USP20: variants seen among roughly 807,000 people sequenced by gnomAD.
The protein encoded by USP20 is ubiquitin specific peptidase 20.
A neutral mutation model predicts 124.2 loss-of-function variants in USP20; 80 were observed. The ratio of observed to expected loss-of-function variants is 0.64; its 90% CI spans 0.54 to 0.78. The LOEUF (loss-of-function observed/expected upper bound fraction) is 0.78. Ranked by LOEUF, USP20 falls within the 30% of genes least tolerant of loss-of-function variation. USP20 has a pLI of 0.00. For missense variants in USP20, 1,043 were observed against 1,244.4 expected (o/e 0.84, Z 2.44); for synonymous variants, 481 against 512.3 (o/e 0.94, Z 0.83).
chr9:129,858,327 G>A (rs2033327000), intron 5 of USP20, 140 bp from the exon 6 acceptor site: 5 of 1,306,828 alleles, frequency 3.8e-6, no homozygotes, highest in Non-Finnish European at 5.4e-6. Context: ...GACTGGGGGT[G>A]GGTAAGCAAA....
At chr9:129,845,587 G>A (rs1275093325) in intron 1 of USP20, among the ~76,000 whole-genome samples, 1 of 152,106 alleles carries the variant, frequency 6.6e-6, no homozygotes, top group African/African-American at 2.4e-5. Context: ...AGGCTGTAGT[G>A]CAGTGGCACA....
At position 129,878,458 on chromosome 9, in the gene USP20, C is replaced by T. The variant is rs759199511; in HGVS notation, c.2512+18C>T. 3 of 1,579,454 alleles carry T rather than the reference C, an allele frequency of 1.9e-6. No homozygotes were observed. Among genetic ancestry groups the T allele is most frequent in the Admixed American group, 1.8e-5 (1 of 56,682 alleles). On this transcript the variant is annotated intron_variant, in intron 23 of 25. Transcript: ENST00000372429. ...GGACAACGGTGAGCTGAGGGGGGACCTGGCACTTACCTGCCCTGGGGGCCT... is the reference window on the plus strand; with the variant it reads ...GGACAACGGTGAGCTGAGGGGGGACTTGGCACTTACCTGCCCTGGGGGCCT...
At chr9:129,859,823 C>T (rs1209161404) in intron 6 of USP20, among the ~76,000 whole-genome samples, 7 of 152,092 alleles carry the variant, frequency 4.6e-5, no homozygotes, top group Non-Finnish European at 8.8e-5. Context: ...TCGCTTGAGC[C>T]CAGGAGTTTG....
intron 16 of USP20, 43 bp downstream of exon 16, chr9:129,873,558 G>A (rs777886145): frequency 1.2e-6 from 2 of 1,614,018 alleles, no homozygotes; most frequent in East Asian, 2.2e-5. Context: ...TGCCGTTTCT[G>A]TGCCCTACAT....
chr9:129,845,056 C>T (rs959395552), intron 1 of USP20, among the ~76,000 whole-genome samples: 1 of 152,092 alleles, frequency 6.6e-6, no homozygotes, highest in Non-Finnish European at 1.5e-5. Flanking sequence ...ATAACCTGGT[C>T]TCTAAATAAA....
At chr9:129,868,797 T>G in intron 11 of USP20, 65 bp from the exon 12 acceptor site, 1 of 1,503,054 alleles carries the variant, frequency 6.7e-7, no homozygotes, top group Non-Finnish European at 8.9e-7. Flanking sequence ...GCAGGTCATC[T>G]TCCTGCCCAC....
intron 1 of USP20, among the ~76,000 whole-genome samples, chr9:129,843,729 ACTCCATCT>A (rs1211874169): frequency 6.7e-6 from 1 of 149,520 alleles, no homozygotes; most frequent in Non-Finnish European, 1.5e-5. Context: ...AAGAGTGAAA[ACTCCATCT>A]CAAAAAAACA....
rs764238706 is a variant in USP20 at position 129,863,313 on chromosome 9, T to C, written c.611+14T>C. 6.5e-7 allele frequency: 1 copy of C among 1,536,682 alleles called. No homozygotes were observed. Among genetic ancestry groups the C allele is most frequent in the Admixed American group, 2.0e-5 (1 of 50,874 alleles). On this transcript the variant is annotated intron_variant, in intron 9 of 25. Transcript: ENST00000372429. ...GCATAAGAAACGGTGAGCAGCTGCATCCCTAGCCTTGGGCGGTGTGTGGGG... is the reference window on the plus strand; with the variant it reads ...GCATAAGAAACGGTGAGCAGCTGCACCCCTAGCCTTGGGCGGTGTGTGGGG...
rs779805930 is a variant in USP20 at position 129,873,461 on chromosome 9, C to A, written c.1661-21C>A. Reference sequence around the variant, plus strand: ...ATTTTGCATCCTTGCTAACCTCTGACCCTTTGTTTTACTGCCCTAGGTGAC... The same window carrying A: ...ATTTTGCATCCTTGCTAACCTCTGAACCTTTGTTTTACTGCCCTAGGTGAC... On this transcript the variant is annotated intron_variant, in intron 15 of 25. Transcript: ENST00000372429. The A allele has an allele frequency of 2.4e-5, 39 of 1,613,988 alleles. No homozygotes were observed. In the South Asian group the frequency reaches 4.0e-4, roughly 16 times the overall value.
intron 17 of USP20, among the ~76,000 whole-genome samples, chr9:129,874,123 C>T (rs1011007360): frequency 6.6e-6 from 1 of 152,036 alleles, no homozygotes; most frequent in Non-Finnish European, 1.5e-5. Flanking sequence ...TGAGGAGTAA[C>T]GTCTGAGTGG....
At position 129,868,961 on chromosome 9, in the gene USP20, C is replaced by T. The variant is rs2033972923; in HGVS notation, c.1235C>T (p.Ala412Val). The change falls in exon 12 of 26, where the codon GCA becomes GTA. Residue 412 changes from alanine to valine, a missense_variant. By Grantham distance (64) the Ala-to-Val change is moderately conservative (BLOSUM62 0). Transcript: ENST00000372429. ...AAGCTGTCTAGCAGCCCCCCTCGTG[C>T]AAGCCCCGTGAGGATGGCACCGTCG... ...HAKLSSSPPR[A>V]SPVRMAPSYV... The T allele has an allele frequency of 2.5e-6, 4 of 1,612,588 alleles. No individual in the cohort carries two copies. In the Admixed American group the frequency reaches 5.0e-5, roughly 20 times the overall value.
rs1588277735 is a variant in USP20 at position 129,868,856 on chromosome 9, C to T, written c.1136-6C>T. On this transcript the variant is annotated splice_region_variant and splice_polypyrimidine_tract_variant and intron_variant, in intron 11 of 25. Coordinates refer to ENST00000372429, the MANE Select transcript of USP20 (RefSeq NM_001110303.4). Reference sequence around the variant, plus strand: ...TGGCCCAGCATGGTACCCTCTCTGCCCCCAGAGCCGGACAATGATGCTCAC... The same window carrying T: ...TGGCCCAGCATGGTACCCTCTCTGCTCCCAGAGCCGGACAATGATGCTCAC... 1.9e-6 allele frequency: 3 copies of T among 1,552,044 alleles called. No individual in the cohort carries two copies. The highest frequency in any genetic ancestry group is 3.7e-4 in the Middle Eastern group (2 of 5,406).
rs1471787501 is a variant in USP20, at chr9:129,879,900, C to T, written c.2585-213C>T. Among the ~76,000 whole-genome samples, 3 of 152,136 alleles carry T rather than the reference C, an allele frequency of 2.0e-5. No individual in the cohort carries two copies. In the South Asian group the frequency reaches 6.2e-4, roughly 32 times the overall value. ...TTTATGTCAGCCCCACCCCCAGGAA[C>T]AAGGGACACAGCCAGAGATGTGTTA... On this transcript the variant is annotated intron_variant, in intron 24 of 25. Transcript: ENST00000372429. The surrounding 1 kb of genome is among the most constrained non-coding windows in gnomAD (Gnocchi z 4.2).
intron 1 of USP20, among the ~76,000 whole-genome samples, chr9:129,846,476 T>C (rs2032578839): frequency 6.6e-6 from 1 of 151,244 alleles, no homozygotes; most frequent in Non-Finnish European, 1.5e-5. Context: ...CAGGCTGATC[T>C]CAAACTCCTG....
At chr9:129,872,584 C>G (rs553344673) in intron 15 of USP20, among the ~76,000 whole-genome samples, 1 of 152,316 alleles carries the variant, frequency 6.6e-6, no homozygotes, top group African/African-American at 2.4e-5. Context: ...TGTTGTGTTT[C>G]AGAGATCATC....
intron 17 of USP20, 57 bp downstream of exon 17, chr9:129,873,801 C>T: frequency 6.3e-7 from 1 of 1,591,400 alleles, no homozygotes; most frequent in South Asian, 1.1e-5. Context: ...CACACCAGCA[C>T]ACACCAGGCA....
At chr9:129,869,581 GAGT>G in intron 13 of USP20, 88 bp from the exon 14 acceptor site, 2 of 1,569,454 alleles carry the variant, frequency 1.3e-6, no homozygotes, top group Non-Finnish European at 1.7e-6. Flanking sequence ...ATGGCCTGGG[GAGT>G]AGTCCCTCTG....
intron 22 of USP20, among the ~76,000 whole-genome samples, chr9:129,876,986 C>A (rs2034437075): frequency 6.6e-6 from 1 of 152,072 alleles, no homozygotes; most frequent in Non-Finnish European, 1.5e-5. Flanking sequence ...TGGGTGAGAA[C>A]CACTGGGCTC....
At position 129,878,158 on chromosome 9, in the gene USP20, G is replaced by A. The variant is rs375960319; in HGVS notation, c.2410-180G>A. 3.5e-4 allele frequency among the ~76,000 whole-genome samples: 54 copies of A among 152,344 alleles called. 1 individual carries two copies. In the South Asian group the frequency reaches 0.01, roughly 29 times the overall value. On this transcript the variant is annotated intron_variant, in intron 22 of 25. Coordinates refer to ENST00000372429, the MANE Select transcript of USP20 (RefSeq NM_001110303.4). ...AATGTTACCACCGTCCTCTCTGAGT[G>A]ATGGGTGTGTTCATTTTGTTTGAGC... is the stretch of plus-strand genomic sequence containing the variant.
Sources: allele counts gnomAD v4.1 joint callset (sites outside exome capture counted in the v4.1 genomes callset), GRCh38; gene constraint gnomAD v4.1.1; non-coding constraint Gnocchi (gnomAD v3.1); transcripts MANE v1.5; gene names NCBI Gene and HGNC (gene_info 2026-07-23, HGNC 2026-07-21).